Variants in SUN5 observed in about 807,000 individuals in gnomAD.
The protein encoded by SUN5 is Sad1 and UNC84 domain containing 5, also known as SUN domain-containing protein 5.
SUN5 carries 44 observed loss-of-function variants against 53.7 expected under a neutral mutation model. The observed-to-expected ratio is 0.82, with a 90% CI of 0.64 to 1.05. SUN5 has a LOEUF of 1.05. Among genes scored for constraint, SUN5 ranks in the 50% least tolerant of loss-of-function variants. SUN5 has a pLI of 0.00. For synonymous variants in SUN5, 166 were observed against 179.8 expected, an observed-to-expected ratio of 0.92 and a Z score of 0.62; for missense variants, 433 against 483.8, an observed-to-expected ratio of 0.90 and a Z score of 0.98.
rs928843192 is a variant in SUN5, at chr20:32,983,828, T to G, written c.1106A>C (p.Gln369Pro). 4 of 1,576,584 alleles carry G rather than the reference T, an allele frequency of 2.5e-6. No individual in the cohort carries two copies. Among genetic ancestry groups the G allele is most frequent in the Non-Finnish European group, 3.4e-6 (4 of 1,160,622 alleles). Residue 369 changes from glutamine (Q) to proline (P), a missense_variant, in exon 13 of 13, where the codon CAG becomes CCG. Coordinates refer to ENST00000356173, the MANE Select transcript of SUN5 (RefSeq NM_080675.4). The part of the protein sequence containing the change: ...VHGSVAPPRE[Q>P]PHQNPYPKRD ...CTTAGGGTAGGGGTTCTGGTGAGGCTGCTCTCTGGGCGGGGCCACAGAGCC... is the reference window on the plus strand; with the variant it reads ...CTTAGGGTAGGGGTTCTGGTGAGGCGGCTCTCTGGGCGGGGCCACAGAGCC...
At chr20:32,999,398 G>A (rs908785523) in intron 5 of SUN5, among the ~76,000 whole-genome samples, 3 of 152,304 alleles carry the variant, frequency 2.0e-5, no homozygotes, top group Admixed American at 6.5e-5. Context: ...TTCAAGACCA[G>A]CCTGGCCAAG....
chr20:33,001,530 C>CTTTCTTTCTTTCTTTCTTTCTTTCT (rs1990019940), intron 3 of SUN5, among the ~76,000 whole-genome samples: 1 of 128,192 alleles, frequency 7.8e-6, no homozygotes, highest in Admixed American at 7.1e-5. Flanking sequence ...TTCTTTCTTT[C>CTTTCTTTCTTTCTTTCTTTCTTTCT]TTTCTTTCTT....
Position 32,987,685 on chromosome 20 carries a change from G to A in SUN5, c.704C>T (p.Ala235Val). ...YWNWIQLWNY[A>V]QPPDVILEPN... is the part of the protein sequence containing the mutation. ...CTCAAGGATCACGTCTGGGGGCTGT[G>A]CGTAGTTCCACAGCTGGATCCAGTT... Residue 235 changes from alanine to valine, a missense_variant, in exon 10 of 13, where the codon GCA becomes GTA. Coordinates refer to ENST00000356173, the MANE Select transcript of SUN5 (RefSeq NM_080675.4). 3 of 1,612,530 alleles carry A rather than the reference G, an allele frequency of 1.9e-6. No homozygotes were observed. Among genetic ancestry groups the A allele is most frequent in the South Asian group, 1.1e-5 (1 of 90,420 alleles).
At chr20:32,992,801 A>C (rs2180576) in intron 8 of SUN5, among the ~76,000 whole-genome samples, 2 of 151,988 alleles carry the variant, frequency 1.3e-5, no homozygotes, top group Non-Finnish European at 2.9e-5. Context: ...GCTGGATACA[A>C]GAAAAGACAC....
chr20:32,998,173 T>TAAA (rs1989902077), intron 5 of SUN5, among the ~76,000 whole-genome samples: 1 of 22,304 alleles, frequency 4.5e-5, no homozygotes, highest in African/African-American at 1.7e-4. Context: ...ACCCCATCTC[T>TAAA]ACAAAAAAAA....
chr20:33,000,887 G>A (rs1243070620), intron 4 of SUN5, among the ~76,000 whole-genome samples: 1 of 151,970 alleles, frequency 6.6e-6, no homozygotes, highest in Non-Finnish European at 1.5e-5. Context: ...CAAATGTGTG[G>A]AGGTGGGAAT....
At chr20:32,989,117 G>A (rs1035102628) in intron 9 of SUN5, among the ~76,000 whole-genome samples, 2 of 151,856 alleles carry the variant, frequency 1.3e-5, no homozygotes, top group Admixed American at 6.6e-5. Context: ...AGTAGAGACG[G>A]GGTTTCACCG....
chr20:33,000,877 C>G (rs1989985787), intron 4 of SUN5, among the ~76,000 whole-genome samples: 1 of 149,886 alleles, frequency 6.7e-6, no homozygotes, highest in South Asian at 2.1e-4. Context: ...ACAGCACGTG[C>G]AAATGTGTGG....
intron 9 of SUN5, among the ~76,000 whole-genome samples, chr20:32,988,651 C>T (rs1009164209): frequency 2.6e-5 from 4 of 151,896 alleles, no homozygotes; most frequent in East Asian, 1.9e-4. Flanking sequence ...TGCAGTGGCG[C>T]GATCCTGGCT....
At position 32,989,651 on chromosome 20, in the gene SUN5, G is replaced by C. The variant is rs200166565; in HGVS notation, c.582C>G (p.Ile194Met). Residue 194 changes from isoleucine to methionine, a missense_variant, in exon 9 of 13, where the codon ATC becomes ATG. By Grantham distance (10) the Ile-to-Met change is conservative. Coordinates refer to ENST00000356173, the MANE Select transcript of SUN5 (RefSeq NM_080675.4). ...ACTTCAGGGCAAAGTCTGGCTTTTC[G>C]ATGTAATCTCCGTGTATCATCTTCA... The part of the protein sequence containing the change: ...KIMKMIHGDY[I>M]EKPDFALKSI... 6.2e-7 allele frequency: 1 copy of C among 1,614,000 alleles called. No individual in the cohort carries two copies. The highest frequency in any genetic ancestry group is 8.5e-7 in the Non-Finnish European group (1 of 1,180,020).
intron 1 of SUN5, among the ~76,000 whole-genome samples, chr20:33,003,422 C>T (rs75425544): frequency 0.012 from 1,837 of 152,172 alleles, 13 homozygotes; most frequent in Non-Finnish European, 0.02. Flanking sequence ...CACATTTCTG[C>T]GTGACACCTG....
At chr20:32,992,540 A>G (rs759350263) in intron 8 of SUN5, among the ~76,000 whole-genome samples, 4 of 152,058 alleles carry the variant, frequency 2.6e-5, no homozygotes, top group Non-Finnish European at 5.9e-5. Context: ...CTCTGTTGGG[A>G]CAGGTGAAGG....
In SUN5 at chr20:32,983,892, T is replaced by TC; in HGVS notation, c.1041dup (p.Asn348GlufsTer30). 6.3e-7 allele frequency: 1 copy of TC among 1,598,952 alleles called. No individual in the cohort carries two copies. The highest frequency in any genetic ancestry group is 8.5e-7 in the Non-Finnish European group (1 of 1,172,704). On this transcript the variant is annotated frameshift_variant, in exon 13 of 13. Coordinates refer to ENST00000356173, the MANE Select transcript of SUN5 (RefSeq NM_080675.4). LOFTEE classifies it low-confidence loss of function (END_TRUNC). ...CGGTACAGGCAAGTGAAGCCTGGGT[T>TC]CCCCCAGTTGCTTGAGATCTTCACC...
rs559831678 is a variant in SUN5 at position 33,000,892 on chromosome 20, G to GGGAATA, written c.278+314_278+319dup. ...ACAGCACGTGCAAATGTGTGGAGGT[G>GGGAATA]GGAATAGGAATAGGAATGGTGTGCC... On this transcript the variant is annotated intron_variant, in intron 4 of 12. Transcript: ENST00000356173. Among the ~76,000 whole-genome samples, 27 of 152,038 alleles carry GGGAATA rather than the reference G, an allele frequency of 1.8e-4. 1 individual carries two copies. The East Asian group carries it at 5.0e-3, about 28-fold the overall frequency.
chr20:32,985,963 T>G (rs13040459), intron 10 of SUN5, 60 bp from the exon 11 acceptor site: 656,934 of 1,555,560 alleles, frequency 0.42, 145,889 homozygotes, highest in Non-Finnish European at 0.45. Context: ...ATCCCACCTT[T>G]GATCCCCTGT....
At chr20:33,002,437 TG>T in intron 3 of SUN5, 149 bp downstream of exon 3, 1 of 714,740 alleles carries the variant, frequency 1.4e-6, no homozygotes, top group Non-Finnish European at 2.5e-6. Flanking sequence ...ATACCTCCGA[TG>T]GGTAGAACTC....
chr20:33,001,877 C>T (rs1347227330), intron 3 of SUN5, among the ~76,000 whole-genome samples: 3 of 152,136 alleles, frequency 2.0e-5, no homozygotes, highest in Non-Finnish European at 4.4e-5. Flanking sequence ...TGGTCTCAAA[C>T]TCCTGACCTC....
chr20:32,987,399 G>A (rs918303058), intron 10 of SUN5, among the ~76,000 whole-genome samples: 1 of 151,938 alleles, frequency 6.6e-6, no homozygotes, highest in East Asian at 1.9e-4. Context: ...CCTCTGTTTC[G>A]CTCCTACCCT....
intron 10 of SUN5, 79 bp from the exon 11 acceptor site, chr20:32,985,982 G>C: frequency 1.3e-6 from 2 of 1,484,428 alleles, no homozygotes; most frequent in Non-Finnish European, 1.8e-6. Context: ...GTACTTCCTG[G>C]GACCTCCTGG....
Sources: allele counts gnomAD v4.1 joint callset (sites outside exome capture counted in the v4.1 genomes callset), GRCh38; gene constraint gnomAD v4.1.1; transcripts MANE v1.5; gene names NCBI Gene and HGNC (gene_info 2026-07-23, HGNC 2026-07-21).